The following GNA12 variants were observed in gnomAD, a reference collection of about 807,000 sequenced individuals.
GNA12 encodes the protein guanine nucleotide-binding protein subunit alpha-12.
GNA12 carries 9 observed loss-of-function variants against 26.0 expected under a neutral mutation model. The observed-to-expected ratio is 0.35, with a 90% CI of 0.21 to 0.60. The LOEUF (loss-of-function observed/expected upper bound fraction) is 0.60, where lower values mean the gene tolerates loss of function less well. Among genes scored for constraint, GNA12 ranks in the 20% least tolerant of loss-of-function variants. The pLI, the probability that GNA12 is intolerant of heterozygous loss-of-function variation, is 0.78. For synonymous variants in GNA12, 264 were observed against 219.6 expected (o/e 1.20, Z -1.79); for missense variants, 405 against 525.8 (o/e 0.77, Z 2.25).
chr7:2,737,079 T>A (rs571837419), intron 2 of GNA12, among the ~76,000 whole-genome samples: 1 of 152,240 alleles, frequency 6.6e-6, no homozygotes, highest in East Asian at 1.9e-4. Context: ...ACAGCCCATG[T>A]GTGGGTCCCA....
At chr7:2,759,338 C>T (rs1791451192) in intron 2 of GNA12, among the ~76,000 whole-genome samples, 1 of 152,164 alleles carries the variant, frequency 6.6e-6, no homozygotes, top group Non-Finnish European at 1.5e-5. Flanking sequence ...ACCTACCTTG[C>T]ACTTCCTATG....
intron 2 of GNA12, among the ~76,000 whole-genome samples, chr7:2,757,072 C>T (rs932628875): frequency 1.3e-5 from 2 of 151,418 alleles, no homozygotes; most frequent in African/African-American, 4.9e-5. Context: ...GATACTCTGT[C>T]CCAAGGCGGG....
rs1792059758 is a variant in GNA12, at chr7:2,775,681, C to A, written c.525+19247G>T. 2.0e-5 allele frequency among the ~76,000 whole-genome samples: 3 copies of A among 152,208 alleles called. No individual in the cohort carries two copies. In the South Asian group the frequency reaches 6.2e-4, roughly 31 times the overall value. On this transcript the variant is annotated intron_variant, in intron 2 of 3. Transcript: ENST00000275364. The stretch of plus-strand genomic sequence containing the variant: ...GACGGGCTTTCTTAGGAGAAGATAT[C>A]TGCCATCAAACTCTGCCTATGAATT...
At chr7:2,822,021 G>A (rs1016975760) in intron 1 of GNA12, among the ~76,000 whole-genome samples, 1 of 152,156 alleles carries the variant, frequency 6.6e-6, no homozygotes. Context: ...GACATTCCAG[G>A]ATGTGATGAC....
chr7:2,795,119 G>A lies in GNA12; in HGVS notation c.334C>T (p.Arg112Ter). The change falls in exon 2 of 4, where the codon CGA (arginine) becomes TGA (stop). Residue 112 changes from arginine to a stop codon, truncating the protein, a stop_gained. Transcript: ENST00000275364. LOFTEE classifies it high-confidence loss of function. ...LKGSRVLVDA[R>*]DKLGIPWQYS... ...TGCCAAGGAATGCCAAGCTTATCTC[G>A]TGCATCAACAAGAACCCTTGAGCCC... is the stretch of plus-strand genomic sequence containing the variant. 1 of 1,612,996 alleles carries A rather than the reference G, an allele frequency of 6.2e-7. No homozygotes were observed. The highest frequency in any genetic ancestry group is 8.5e-7 in the Non-Finnish European group (1 of 1,179,072).
rs1182972909 is a variant in GNA12 at position 2,807,037 on chromosome 7, CTTTA to C, written c.310-11898_310-11895del. On this transcript the variant is annotated intron_variant, in intron 1 of 3. Coordinates refer to ENST00000275364, the MANE Select transcript of GNA12 (RefSeq NM_007353.3). ...TTATGTTTAATAACTTTTAATTTTC[CTTTA>C]TTTTCCCCCAAATTGTTTTTTAGTT... Among the ~76,000 whole-genome samples, 10 of 152,148 alleles carry C rather than the reference CTTTA, an allele frequency of 6.6e-5. No homozygotes were observed. In the East Asian group the frequency reaches 1.9e-3, roughly 29 times the overall value.
At chr7:2,822,767 G>A (rs1793396567) in intron 1 of GNA12, among the ~76,000 whole-genome samples, 1 of 152,152 alleles carries the variant, frequency 6.6e-6, no homozygotes, top group East Asian at 1.9e-4. Flanking sequence ...AGCTATGATC[G>A]CCCCACTGCA....
Position 2,814,635 on chromosome 7 carries a change from CTTT to C in GNA12, c.310-19495_310-19493del, listed in dbSNP as rs35209860. Among the ~76,000 whole-genome samples the C allele has an allele frequency of 5.8e-3, 780 of 133,684 alleles. 8 individuals carry two copies. The highest frequency in any genetic ancestry group is 0.02 in the African/African-American group (709 of 36,222). 87.7% of individuals were successfully genotyped at this position (133,684 alleles called of 152,430 possible). ...AAAATTCCTTATTTCCTTTTCCTGC[CTTT>C]TTTTTTTTTTTTTCGTGGCATAGAA... On this transcript the variant is annotated intron_variant, in intron 1 of 3. Transcript: ENST00000275364.
Position 2,842,103 on chromosome 7 carries a change from G to GAAGAA in GNA12, c.309+1749_309+1750insTTCTT, listed in dbSNP as rs1320571092. On this transcript the variant is annotated intron_variant, in intron 1 of 3. Transcript: ENST00000275364. Reference sequence around the variant, plus strand: ...AAGGCGGGAAGGAAAGGAAGGAAAGGAAGGAAGGGAAGGGAGGAAGAAAAG... The same window carrying GAAGAA: ...AAGGCGGGAAGGAAAGGAAGGAAAGGAAGAAAAGGAAGGGAAGGGAGGAAGAAAAG... Among the ~76,000 whole-genome samples the GAAGAA allele has an allele frequency of 1.1e-4, 11 of 97,892 alleles. No homozygotes were observed. The East Asian group carries it at 2.9e-3, about 26-fold the overall frequency. 64.2% of individuals were successfully genotyped at this position (97,892 alleles called of 152,430 possible). A position where few individuals can be genotyped will look rare whatever the true frequency, so the allele number is the denominator to read the frequency against.
chr7:2,742,517 C>T (rs1790560276), intron 2 of GNA12, among the ~76,000 whole-genome samples: 1 of 152,178 alleles, frequency 6.6e-6, no homozygotes, highest in Non-Finnish European at 1.5e-5. Flanking sequence ...CTCACAGACG[C>T]TGTCATTTTC....
At chr7:2,828,654 G>A (rs1793536288) in intron 1 of GNA12, among the ~76,000 whole-genome samples, 1 of 152,228 alleles carries the variant, frequency 6.6e-6, no homozygotes, top group Non-Finnish European at 1.5e-5. Flanking sequence ...CCAGGAAAGG[G>A]AAAACAAAAC....
chr7:2,785,228 G>A (rs1004090935), intron 2 of GNA12, among the ~76,000 whole-genome samples: 6 of 152,142 alleles, frequency 3.9e-5, no homozygotes, highest in South Asian at 2.1e-4. Flanking sequence ...TGTCCCACCC[G>A]CTCCAGAGCT....
At chr7:2,828,391 C>T (rs573498828) in intron 1 of GNA12, among the ~76,000 whole-genome samples, 4 of 152,338 alleles carry the variant, frequency 2.6e-5, no homozygotes, top group Non-Finnish European at 5.9e-5. Context: ...ACTCTGTCAA[C>T]AGCCCGGGCT....
chr7:2,790,174 A>C (rs1199965336), intron 2 of GNA12, among the ~76,000 whole-genome samples: 2 of 152,090 alleles, frequency 1.3e-5, no homozygotes, highest in African/African-American at 4.8e-5. Flanking sequence ...TCTCCTCCAA[A>C]GCACCTCTGA....
chr7:2,775,530 G>A (rs1792055200), intron 2 of GNA12: 1 of 152,200 alleles, frequency 6.6e-6, no homozygotes, highest in South Asian at 2.1e-4. Context: ...GAAAAGGCCT[G>A]GAGCCGAAGC....
intron 2 of GNA12, among the ~76,000 whole-genome samples, chr7:2,769,025 T>TA (rs1791883601): frequency 6.6e-6 from 1 of 152,186 alleles, no homozygotes; most frequent in South Asian, 2.1e-4. Flanking sequence ...TGCCTCAGCC[T>TA]CCTGAGTAGC....
At chr7:2,756,962 T>G (rs1791327413) in intron 2 of GNA12, among the ~76,000 whole-genome samples, 1 of 152,034 alleles carries the variant, frequency 6.6e-6, no homozygotes, top group African/African-American at 2.4e-5. Context: ...TAGTTCCAGC[T>G]ACTCAGGAGG....
intron 1 of GNA12, chr7:2,815,002 T>TA: frequency 6.5e-7 from 1 of 1,539,778 alleles, no homozygotes. Flanking sequence ...TATCCAGGTC[T>TA]AATCTCGCCC....
At chr7:2,802,826 G>A (rs1358435525) in intron 1 of GNA12, among the ~76,000 whole-genome samples, 1 of 152,140 alleles carries the variant, frequency 6.6e-6, no homozygotes. Context: ...AGTTCCTCTC[G>A]AAAACTGAAG....
Sources: gnomAD v4.1 joint callset for allele counts (sites outside exome capture counted in the v4.1 genomes callset) on GRCh38, gnomAD v4.1.1 for gene constraint, MANE v1.5 for transcripts, NCBI Gene and HGNC (gene_info 2026-07-23, HGNC 2026-07-21) for gene names.